The following CACNA1A variants were observed in gnomAD, a reference collection of about 807,000 sequenced individuals.
CACNA1A encodes calcium voltage-gated channel subunit alpha1 A.
Under a neutral mutation model 262.4 loss-of-function variants are expected in CACNA1A, and 57 were observed. That is an observed-to-expected ratio of 0.22 (90% confidence interval 0.18 to 0.27). The LOEUF is 0.27. Ranked by LOEUF, CACNA1A falls within the 10% of genes least tolerant of loss-of-function variation. The pLI, the probability that CACNA1A is intolerant of heterozygous loss-of-function variation, is 1.00. For missense variants in CACNA1A, 2,526 were observed against 3,562.8 expected, an observed-to-expected ratio of 0.71 and a Z score of 7.41; for synonymous variants, 1,431 against 1,419.3, an observed-to-expected ratio of 1.01 and a Z score of -0.18.
chr19:13,279,714 A>T (rs2057240986), intron 22 of CACNA1A, among the ~76,000 whole-genome samples: 1 of 151,906 alleles, frequency 6.6e-6, no homozygotes, highest in Admixed American at 6.6e-5. Context: ...CGAACTCCTG[A>T]CCTCACGTGA....
chr19:13,269,354 G>A (rs2056957723), intron 24 of CACNA1A, among the ~76,000 whole-genome samples: 1 of 152,256 alleles, frequency 6.6e-6, no homozygotes. Flanking sequence ...CAGGCACACA[G>A]CTGGGAAGAC....
chr19:13,441,095 C>T (rs2060710713), intron 3 of CACNA1A, among the ~76,000 whole-genome samples: 1 of 152,180 alleles, frequency 6.6e-6, no homozygotes, highest in Non-Finnish European at 1.5e-5. Flanking sequence ...TTACAAGCAT[C>T]AGCCACCATG....
chr19:13,227,364 AAAAAGAAG>A, intron 37 of CACNA1A, 59 bp downstream of exon 37: 1 of 649,628 alleles, frequency 1.5e-6, no homozygotes, highest in South Asian at 1.8e-5. Flanking sequence ...AGCACTAAAA[AAAAAGAAG>A]AAGAAGAAGA....
At chr19:13,329,947 C>T (rs1178766704) in intron 10 of CACNA1A, among the ~76,000 whole-genome samples, 1 of 152,160 alleles carries the variant, frequency 6.6e-6, no homozygotes, top group Non-Finnish European at 1.5e-5. Context: ...ATGAATACTT[C>T]CCGAATGAGT....
chr19:13,344,254 C>T (rs2058724269), intron 6 of CACNA1A, among the ~76,000 whole-genome samples: 1 of 147,246 alleles, frequency 6.8e-6, no homozygotes, highest in Non-Finnish European at 1.5e-5. Context: ...AAATTAAGAA[C>T]CCAACACGTA....
At chr19:13,321,109 T>C (rs576778628) in intron 10 of CACNA1A, among the ~76,000 whole-genome samples, 4 of 151,496 alleles carry the variant, frequency 2.6e-5, no homozygotes, top group Admixed American at 2.0e-4. Context: ...TCTTGGCTCA[T>C]TGCAACCTCT....
Position 13,368,776 on chromosome 19 carries a change from C to T in CACNA1A, c.631+2912G>A, listed in dbSNP as rs370547134. ...GGTGCTGGCCGGGCGCGGTGGCTCA[C>T]GCCTGTAATCCCAGCACTTTGGGAG... On this transcript the variant is annotated intron_variant, in intron 4 of 46. Transcript: ENST00000360228. 3.1e-5 allele frequency among the ~76,000 whole-genome samples: 4 copies of T among 129,138 alleles called. 1 individual carries two copies. Among genetic ancestry groups the T allele is most frequent in the East Asian group, 4.8e-4 (2 of 4,138 alleles). 84.7% of individuals were successfully genotyped at this position (129,138 alleles called of 152,430 possible).
rs753315037 is a variant in CACNA1A at position 13,505,884 on chromosome 19, G to A, written c.293+48C>T. ...CCAGCCTGGAAGAGGGGAGGCGGAG[G>A]GAGGAGGGGGAGGCGCAGCTGCTGC... On this transcript the variant is annotated intron_variant, in intron 1 of 46. Transcript: ENST00000360228. 8 of 1,573,298 alleles carry A rather than the reference G, an allele frequency of 5.1e-6. No homozygotes were observed. In the East Asian group the frequency reaches 1.8e-4, roughly 36 times the overall value.
At chr19:13,375,105 A>G (rs1356096418) in intron 3 of CACNA1A, among the ~76,000 whole-genome samples, 3 of 152,022 alleles carry the variant, frequency 2.0e-5, no homozygotes, top group Non-Finnish European at 4.4e-5. Flanking sequence ...GCGTGTGCTC[A>G]CTTTGCGTCT....
intron 19 of CACNA1A, among the ~76,000 whole-genome samples, chr19:13,293,439 C>CTTTTT (rs974515720): frequency 0.072 from 5,845 of 80,892 alleles, 618 homozygotes; most frequent in East Asian, 0.22. Context: ...TCAGTTAAAT[C>CTTTTT]TTTTTTTTTT....
chr19:13,269,866 G>A (rs563329230), intron 24 of CACNA1A, among the ~76,000 whole-genome samples: 2 of 152,316 alleles, frequency 1.3e-5, no homozygotes, highest in African/African-American at 4.8e-5. Context: ...GGGACCACAG[G>A]GATAGTTTTC....
At position 13,312,947 on chromosome 19, in the gene CACNA1A, G is replaced by A. The variant is rs190083298; in HGVS notation, c.1556-166C>T. 2.7e-3 allele frequency among the ~76,000 whole-genome samples: 410 copies of A among 152,162 alleles called. 2 individuals are homozygous for A. The highest frequency in any genetic ancestry group is 9.0e-3 in the African/African-American group (375 of 41,526). On this transcript the variant is annotated intron_variant, in intron 11 of 46. Transcript: ENST00000360228. ...GGTTTCAAACTCCTGGCCTCAAACA[G>A]TTTCCCTGATTTGGCCTCCAACATG...
At chr19:13,505,563 G>A (rs1982922224) in intron 1 of CACNA1A, among the ~76,000 whole-genome samples, 1 of 152,082 alleles carries the variant, frequency 6.6e-6, no homozygotes, top group Admixed American at 6.5e-5. Flanking sequence ...CCAGGCCCGA[G>A]CCCGCTCCAA....
At chr19:13,239,462 C>A (rs1015142071) in intron 31 of CACNA1A, among the ~76,000 whole-genome samples, 1 of 152,212 alleles carries the variant, frequency 6.6e-6, no homozygotes. Flanking sequence ...CTGCCTCCCC[C>A]ACCTGACTGT....
At chr19:13,283,562 T>C in intron 21 of CACNA1A, 166 bp from the exon 22 acceptor site, 2 of 819,600 alleles carry the variant, frequency 2.4e-6, no homozygotes, top group Non-Finnish European at 3.7e-6. Context: ...CTCTGGGTCC[T>C]GGAACCCCAA....
At chr19:13,376,810 GTTA>G in intron 3 of CACNA1A, among the ~76,000 whole-genome samples, 2 of 75,158 alleles carry the variant, frequency 2.7e-5, no homozygotes, top group Middle Eastern at 0.017. Context: ...CATAATATAT[GTTA>G]TGTGTGATAT....
intron 3 of CACNA1A, among the ~76,000 whole-genome samples, chr19:13,395,722 G>A (rs1305046706): frequency 6.6e-6 from 1 of 152,070 alleles, no homozygotes; most frequent in Non-Finnish European, 1.5e-5. Flanking sequence ...AGGAATGCAT[G>A]CTCTGAGAGA....
At chr19:13,411,771 G>GT (rs1198344919) in intron 3 of CACNA1A, among the ~76,000 whole-genome samples, 1 of 151,712 alleles carries the variant, frequency 6.6e-6, no homozygotes, top group Admixed American at 6.6e-5. Flanking sequence ...AAGCACAATG[G>GT]TGCAACTACA....
intron 31 of CACNA1A, among the ~76,000 whole-genome samples, chr19:13,240,686 G>C (rs2144672457): frequency 6.7e-6 from 1 of 150,174 alleles, no homozygotes; most frequent in Admixed American, 6.6e-5. Context: ...TGCAGTGTCT[G>C]TGTGCAGTGA....
Sources: allele counts gnomAD v4.1 joint callset (sites outside exome capture counted in the v4.1 genomes callset), GRCh38; gene constraint gnomAD v4.1.1; transcripts MANE v1.5; gene names NCBI Gene and HGNC (gene_info 2026-07-23, HGNC 2026-07-21).